The following PSD2 variants were observed in gnomAD, a reference collection of about 807,000 sequenced individuals.
The protein encoded by PSD2 is pleckstrin and Sec7 domain containing 2.
A neutral mutation model predicts 69.8 loss-of-function variants in PSD2; 38 were observed. That is an observed-to-expected ratio of 0.54 (90% CI 0.42 to 0.71). The LOEUF is 0.71. PSD2 is among the 30% of genes least tolerant of loss of function. The pLI, the probability that PSD2 is intolerant of heterozygous loss-of-function variation, is 0.00. For synonymous variants in PSD2, 412 were observed against 423.0 expected (o/e 0.97, Z 0.32); for missense variants, 943 against 1,014.5 (o/e 0.93, Z 0.96).
intron 2 of PSD2, among the ~76,000 whole-genome samples, 194 bp downstream of exon 2, chr5:139,810,005 AT>A (rs1203309641): frequency 7.3e-5 from 11 of 150,052 alleles, no homozygotes; most frequent in Non-Finnish European, 8.9e-5. Context: ...AGGCCAGCAG[AT>A]TGGGGGGCTG....
chr5:139,783,707 G>T, the PSD2 span, among the ~76,000 whole-genome samples: 20 of 151,906 alleles, frequency 1.3e-4, 1 homozygote, highest in Admixed American at 1.2e-3. Flanking sequence ...CCACGAAAAC[G>T]GCTCTTGTCA....
the PSD2 span, among the ~76,000 whole-genome samples, chr5:139,769,557 TC>T: frequency 2.6e-5 from 4 of 152,230 alleles, no homozygotes; most frequent in East Asian, 7.7e-4. Flanking sequence ...TGAACTGCCC[TC>T]CTGTACTGAA....
In PSD2 at chr5:139,821,878, TG is replaced by T; in HGVS notation, c.1098-14del. ...GGACTCAGACTGCCCTCAGCAGCTT[TG>T]AATTGCCTTCCAGAACATTCTTGAA... On this transcript the variant is annotated splice_polypyrimidine_tract_variant and intron_variant, in intron 5 of 14. Transcript: ENST00000274710. 6.4e-7 allele frequency: 1 copy of T among 1,566,170 alleles called. No homozygotes were observed. Among genetic ancestry groups the T allele is most frequent in the Non-Finnish European group, 8.7e-7 (1 of 1,143,452 alleles).
At chr5:139,776,823 T>C in the PSD2 span, among the ~76,000 whole-genome samples, 1 of 152,086 alleles carries the variant, frequency 6.6e-6, no homozygotes, top group Non-Finnish European at 1.5e-5. Flanking sequence ...TTAAGGCACC[T>C]CAAAGAACCA....
chr5:139,819,932 T>A (rs1263158204), intron 5 of PSD2, among the ~76,000 whole-genome samples: 7 of 152,120 alleles, frequency 4.6e-5, no homozygotes, highest in Non-Finnish European at 1.0e-4. Flanking sequence ...CCGCAGAAGG[T>A]ACTGGCTGCA....
At chr5:139,828,170 G>C (rs945956455) in intron 7 of PSD2, among the ~76,000 whole-genome samples, 1 of 152,046 alleles carries the variant, frequency 6.6e-6, no homozygotes, top group Non-Finnish European at 1.5e-5. Flanking sequence ...AATTGGAGAC[G>C]GAGACCAGGA....
At chr5:139,801,178 C>G (rs1019871100) in intron 1 of PSD2, among the ~76,000 whole-genome samples, 1 of 150,592 alleles carries the variant, frequency 6.6e-6, no homozygotes, top group African/African-American at 2.5e-5. Context: ...GCACTCCAGC[C>G]TGGATGACAG....
chr5:139,744,354 G>C, the PSD2 span, among the ~76,000 whole-genome samples: 1 of 152,178 alleles, frequency 6.6e-6, no homozygotes, highest in Admixed American at 6.5e-5. Context: ...AAGCAGGAAT[G>C]GGGGAAGTCC....
intron 7 of PSD2, among the ~76,000 whole-genome samples, chr5:139,827,567 T>C (rs919989096): frequency 4.6e-5 from 7 of 152,160 alleles, no homozygotes; most frequent in African/African-American, 1.7e-4. Context: ...CCTTTGAATC[T>C]TGTATTAGTC....
chr5:139,748,035 C>T, the PSD2 span, among the ~76,000 whole-genome samples: 1 of 152,240 alleles, frequency 6.6e-6, no homozygotes, highest in Non-Finnish European at 1.5e-5. Flanking sequence ...ACCGTCACTG[C>T]GCCAGCCCGC....
the PSD2 span, among the ~76,000 whole-genome samples, chr5:139,779,795 C>T: frequency 6.6e-6 from 1 of 152,076 alleles, no homozygotes; most frequent in African/African-American, 2.4e-5. Context: ...CTCTTTTTAC[C>T]TGGCTGGTTT....
chr5:139,827,012 C>G (rs1760441073), intron 7 of PSD2, among the ~76,000 whole-genome samples: 1 of 152,192 alleles, frequency 6.6e-6, no homozygotes, highest in Non-Finnish European at 1.5e-5. Context: ...GGTCATATGC[C>G]ATTTTCTGAA....
At chr5:139,806,320 G>A (rs1759805883) in intron 1 of PSD2, among the ~76,000 whole-genome samples, 2 of 152,254 alleles carry the variant, frequency 1.3e-5, no homozygotes, top group Admixed American at 1.3e-4. Context: ...AACTCTCTTG[G>A]TTGAGGGTTT....
At chr5:139,766,121 C>A in the PSD2 span, among the ~76,000 whole-genome samples, 3 of 152,004 alleles carry the variant, frequency 2.0e-5, no homozygotes, top group African/African-American at 7.3e-5. Flanking sequence ...AGAGGGACCG[C>A]GGAGCAGAAT....
chr5:139,807,418 A>G (rs929913763), intron 1 of PSD2, among the ~76,000 whole-genome samples: 3 of 146,178 alleles, frequency 2.1e-5, no homozygotes, highest in Non-Finnish European at 4.5e-5. Context: ...CTCTGAGTAT[A>G]CAACCAGAGG....
At chr5:139,752,826 C>T in the PSD2 span, among the ~76,000 whole-genome samples, 1 of 152,224 alleles carries the variant, frequency 6.6e-6, no homozygotes, top group African/African-American at 2.4e-5. Context: ...GTGTGCACAA[C>T]CTTTCACAGG....
intron 7 of PSD2, among the ~76,000 whole-genome samples, chr5:139,831,235 G>A (rs373490367): frequency 2.6e-5 from 4 of 152,114 alleles, no homozygotes; most frequent in African/African-American, 9.7e-5. Flanking sequence ...AGACATTAGT[G>A]TAGCTATACT....
intron 8 of PSD2, 82 bp from the exon 9 acceptor site, chr5:139,835,641 C>A: frequency 7.1e-7 from 1 of 1,405,750 alleles, no homozygotes; most frequent in Non-Finnish European, 1.0e-6. Flanking sequence ...TGCTCCCTCA[C>A]TGTACCCATG....
At chr5:139,743,340 T>G in the PSD2 span, among the ~76,000 whole-genome samples, 2 of 152,100 alleles carry the variant, frequency 1.3e-5, no homozygotes, top group Admixed American at 1.3e-4. Context: ...GGGTTACTGC[T>G]TCGTGTGGGG....
Sources: gnomAD v4.1 joint callset for allele counts (sites outside exome capture counted in the v4.1 genomes callset) on GRCh38, gnomAD v4.1.1 for gene constraint, MANE v1.5 for transcripts, NCBI Gene and HGNC (gene_info 2026-07-23, HGNC 2026-07-21) for gene names.